MARCHF4: variants seen among roughly 807,000 people sequenced by gnomAD.
MARCHF4 encodes the protein E3 ubiquitin-protein ligase MARCHF4.
A neutral mutation model predicts 43.9 loss-of-function variants in MARCHF4; 14 were observed. The ratio of observed to expected loss-of-function variants is 0.32; its 90% CI spans 0.21 to 0.50. The LOEUF (loss-of-function observed/expected upper bound fraction) is 0.50. MARCHF4 is among the 20% of genes least tolerant of loss of function. MARCHF4 has a pLI of 0.98. For missense variants in MARCHF4, 468 were observed against 536.7 expected (o/e 0.87, Z 1.27); for synonymous variants, 226 against 213.3 (o/e 1.06, Z -0.52).
intron 1 of MARCHF4, among the ~76,000 whole-genome samples, chr2:216,300,350 G>GTGTATATATATATATATATATA (rs369678225): frequency 6.9e-5 from 8 of 115,804 alleles, no homozygotes; most frequent in African/African-American, 2.8e-4. Flanking sequence ...ATATATATAT[G>GTGTATATATATATATATATATA]TATATATATA....
intron 1 of MARCHF4, among the ~76,000 whole-genome samples, chr2:216,307,946 T>A (rs1359374434): frequency 6.6e-6 from 1 of 152,036 alleles, no homozygotes; most frequent in Admixed American, 6.6e-5. Flanking sequence ...GTCCCAGCTG[T>A]CCAGAAGGCT....
At chr2:216,298,049 C>A (rs1229423235) in intron 1 of MARCHF4, among the ~76,000 whole-genome samples, 1 of 152,136 alleles carries the variant, frequency 6.6e-6, no homozygotes, top group Non-Finnish European at 1.5e-5. Flanking sequence ...CAATCAGGAC[C>A]TGCTGTTCTC....
intron 1 of MARCHF4, among the ~76,000 whole-genome samples, chr2:216,357,536 G>T (rs1692520735): frequency 6.6e-6 from 1 of 152,188 alleles, no homozygotes; most frequent in African/African-American, 2.4e-5. Context: ...GCCTAGTCTG[G>T]TCACAAACTC....
At chr2:216,321,545 C>G (rs1218733341) in intron 1 of MARCHF4, 3 of 152,132 alleles carry the variant, frequency 2.0e-5, no homozygotes, top group Non-Finnish European at 4.4e-5. Context: ...ATAATCCACC[C>G]ATTCTGTCCT....
Position 216,314,326 on chromosome 2 carries a change from CTT to C in MARCHF4, c.517-30599_517-30598del, listed in dbSNP as rs5838577. Among the ~76,000 whole-genome samples the C allele has an allele frequency of 7.0e-3, 973 of 139,294 alleles. 9 individuals carry two copies. Among genetic ancestry groups the C allele is most frequent in the South Asian group, 0.022 (94 of 4,306 alleles). 91.4% of individuals were successfully genotyped at this position (139,294 alleles called of 152,430 possible). On this transcript the variant is annotated intron_variant, in intron 1 of 3. Coordinates refer to ENST00000273067, the MANE Select transcript of MARCHF4 (RefSeq NM_020814.3). ...AATAAGTAGACAAATGATGTAACTA[CTT>C]TTTTTTTTTTTTTTTGAGACAGTCT...
At position 216,369,933 on chromosome 2, in the gene MARCHF4, A is replaced by AG. The variant is rs1267496163; in HGVS notation, c.327dup (p.Pro111AlafsTer8). ...TCATCTTCCACAGAAGAAGGTGGCA[A>AG]GGGGGGTGGAGGTGGCACAGGAGGG... is the stretch of plus-strand genomic sequence containing the variant. On this transcript the variant is annotated frameshift_variant, in exon 1 of 4. Coordinates refer to ENST00000273067, the MANE Select transcript of MARCHF4 (RefSeq NM_020814.3). LOFTEE classifies it high-confidence loss of function. 1.2e-6 allele frequency: 2 copies of AG among 1,605,188 alleles called. No homozygotes were observed. Among genetic ancestry groups the AG allele is most frequent in the Admixed American group, 1.7e-5 (1 of 58,924 alleles).
At chr2:216,260,000 A>T (rs898873298) in intron 3 of MARCHF4, among the ~76,000 whole-genome samples, 1 of 152,192 alleles carries the variant, frequency 6.6e-6, no homozygotes, top group Non-Finnish European at 1.5e-5. Context: ...TCCTCCCTCT[A>T]TTATGTATCC....
At chr2:216,350,261 C>T (rs898478263) in intron 1 of MARCHF4, among the ~76,000 whole-genome samples, 12 of 132,876 alleles carry the variant, frequency 9.0e-5, no homozygotes, top group Admixed American at 3.8e-4. Flanking sequence ...TGCCACTCCC[C>T]CTCACTCTGC....
intron 1 of MARCHF4, among the ~76,000 whole-genome samples, chr2:216,286,537 A>G (rs1691222229): frequency 6.6e-6 from 1 of 151,520 alleles, no homozygotes; most frequent in African/African-American, 2.4e-5. Flanking sequence ...AAAAAAAAGA[A>G]GAAGAAGAAA....
rs1559280542 is a variant in MARCHF4 at position 216,263,514 on chromosome 2, AG to A, written c.866-3836del. On this transcript the variant is annotated intron_variant, in intron 3 of 3. Coordinates refer to ENST00000273067, the MANE Select transcript of MARCHF4 (RefSeq NM_020814.3). ...GAGAAAGAGAGAGAGAGAGAGAGAG[AG>A]AGAGAGAGAGAGAGAGAGAGAGAAA... Among the ~76,000 whole-genome samples the A allele has an allele frequency of 1.5e-3, 220 of 148,890 alleles. 4 individuals are homozygous for A. The highest frequency in any genetic ancestry group is 2.5e-3 in the Non-Finnish European group (168 of 66,872).
chr2:216,299,129 C>A lies in MARCHF4; in HGVS notation c.517-15400G>T, dbSNP rs1465586795. 7.2e-5 allele frequency among the ~76,000 whole-genome samples: 11 copies of A among 151,740 alleles called. No homozygotes were observed. The Middle Eastern group carries it at 9.5e-3, about 131-fold the overall frequency. ...GTCTGGGATTTTTTTTTTTCCCTAC[C>A]TTTCTTTGCACTGTAGGGAAGGAGT... On this transcript the variant is annotated intron_variant, in intron 1 of 3. Transcript: ENST00000273067.
intron 1 of MARCHF4, among the ~76,000 whole-genome samples, chr2:216,304,513 C>A (rs143013610): frequency 1.3e-5 from 2 of 152,334 alleles, no homozygotes; most frequent in Admixed American, 6.5e-5. Flanking sequence ...GCCAAAATTT[C>A]TCCTAAGGTT....
chr2:216,302,897 CAAAAAAAAAAAA>C (rs201503998), intron 1 of MARCHF4, among the ~76,000 whole-genome samples: 3 of 78,360 alleles, frequency 3.8e-5, no homozygotes, highest in African/African-American at 1.6e-4. Flanking sequence ...GACTCTGTAT[CAAAAAAAAAAAA>C]AAAAAAAAAA....
At chr2:216,344,353 G>A (rs1238505709) in intron 1 of MARCHF4, among the ~76,000 whole-genome samples, 9 of 152,112 alleles carry the variant, frequency 5.9e-5, no homozygotes, top group African/African-American at 1.4e-4. Flanking sequence ...TGGTGGGGGC[G>A]TGGGTGGAGA....
intron 1 of MARCHF4, among the ~76,000 whole-genome samples, chr2:216,304,055 C>T (rs1250923106): frequency 2.0e-5 from 3 of 152,130 alleles, no homozygotes; most frequent in Admixed American, 6.5e-5. Flanking sequence ...GTGTCTGCAC[C>T]ACAACAGAGG....
At chr2:216,307,103 G>A (rs1190692523) in intron 1 of MARCHF4, among the ~76,000 whole-genome samples, 2 of 152,072 alleles carry the variant, frequency 1.3e-5, no homozygotes, top group Non-Finnish European at 2.9e-5. Flanking sequence ...GCCCTGGTAG[G>A]TGAGTCCCAC....
At chr2:216,369,090 A>C (rs2105988706) in intron 1 of MARCHF4, among the ~76,000 whole-genome samples, 1 of 152,320 alleles carries the variant, frequency 6.6e-6, no homozygotes, top group Middle Eastern at 3.4e-3. Context: ...ACTCATTCTC[A>C]TTCCCATTTA....
intron 1 of MARCHF4, among the ~76,000 whole-genome samples, chr2:216,297,090 C>G (rs1691408576): frequency 6.6e-6 from 1 of 152,216 alleles, no homozygotes; most frequent in Non-Finnish European, 1.5e-5. Context: ...TAAGTAGAAT[C>G]TGAATTACTA....
intron 1 of MARCHF4, among the ~76,000 whole-genome samples, chr2:216,307,889 A>T (rs115785012): frequency 0.017 from 2,617 of 152,138 alleles, 78 homozygotes; most frequent in African/African-American, 0.06. Flanking sequence ...CTACAGAAAA[A>T]TTTAAAATTT....
Sources: gnomAD v4.1 joint callset for allele counts (sites outside exome capture counted in the v4.1 genomes callset) on GRCh38, gnomAD v4.1.1 for gene constraint, MANE v1.5 for transcripts, NCBI Gene and HGNC (gene_info 2026-07-23, HGNC 2026-07-21) for gene names.